The following RERE variants were observed in gnomAD, a reference collection of about 807,000 sequenced individuals.
RERE encodes the protein arginine-glutamic acid dipeptide repeats protein.
In RERE, 40 loss-of-function variants were observed where a neutral mutation model predicts 146.1. That is an observed-to-expected ratio of 0.27 (90% CI 0.21 to 0.36). The LOEUF (loss-of-function observed/expected upper bound fraction) is 0.36, where lower values mean the gene tolerates loss of function less well. Among genes scored for constraint, RERE ranks in the 10% least tolerant of loss-of-function variants. The pLI, the probability that RERE is intolerant of heterozygous loss-of-function variation, is 1.00. For missense variants in RERE, 1,933 were observed against 2,138.7 expected (o/e 0.90, Z 1.90); for synonymous variants, 1,003 against 866.0 (o/e 1.16, Z -2.78).
intron 11 of RERE, among the ~76,000 whole-genome samples, chr1:8,435,359 C>T (rs949993330): frequency 6.6e-6 from 1 of 152,232 alleles, no homozygotes; most frequent in Non-Finnish European, 1.5e-5. Context: ...AGGTGCTTGA[C>T]AACCACTGGT....
At chr1:8,805,649 CAA>C (rs1229860670) in intron 1 of RERE, among the ~76,000 whole-genome samples, 4 of 60,566 alleles carry the variant, frequency 6.6e-5, no homozygotes, top group Admixed American at 2.0e-4. Flanking sequence ...GAATCCGTCT[CAA>C]AAAAAAAAAA....
chr1:8,502,813 T>C (rs927836985), intron 8 of RERE, among the ~76,000 whole-genome samples: 1 of 147,916 alleles, frequency 6.8e-6, no homozygotes, highest in Non-Finnish European at 1.5e-5. Flanking sequence ...CTCTGAAACA[T>C]GTGCTGTGTC....
intron 8 of RERE, among the ~76,000 whole-genome samples, chr1:8,503,280 C>T (rs1238606780): frequency 6.6e-6 from 1 of 152,112 alleles, no homozygotes; most frequent in Non-Finnish European, 1.5e-5. Flanking sequence ...TTGCTAGTGT[C>T]AACACAAACT....
At position 8,354,636 on chromosome 1, in the gene RERE, T is replaced by A. The variant is rs551430946; in HGVS notation, c.*451A>T. On this transcript the variant is annotated 3_prime_UTR_variant, in exon 23 of 23. Coordinates refer to ENST00000400908, the MANE Select transcript of RERE (RefSeq NM_001042681.2). ...TATTAAAATAAAAGATTTTTTTTTT[T>A]AAAAATTATAGCTCTTGGATTCCAA... 185 of 147,506 alleles carry A rather than the reference T, an allele frequency of 1.3e-3. No homozygotes were observed. The highest frequency in any genetic ancestry group is 4.0e-3 in the East Asian group (21 of 5,282). The allele number at this position is 147,506 out of a possible 1,614,324, so 9.1% of individuals were successfully genotyped here. A position where few individuals can be genotyped will look rare whatever the true frequency, so the allele number is the denominator to read the frequency against.
intron 4 of RERE, among the ~76,000 whole-genome samples, chr1:8,598,166 G>A (rs557552295): frequency 3.9e-5 from 6 of 152,124 alleles, no homozygotes; most frequent in Non-Finnish European, 7.3e-5. Flanking sequence ...AGATTTCCTC[G>A]CTGGAATTAT....
intron 1 of RERE, among the ~76,000 whole-genome samples, chr1:8,699,792 C>T (rs370661856): frequency 9.1e-4 from 139 of 152,232 alleles, no homozygotes; most frequent in African/African-American, 3.1e-3. Flanking sequence ...TGAAGATGGA[C>T]CAATTTCTCC....
intron 4 of RERE, among the ~76,000 whole-genome samples, chr1:8,598,036 G>A (rs1042666146): frequency 6.6e-6 from 1 of 152,168 alleles, no homozygotes; most frequent in African/African-American, 2.4e-5. Context: ...GCCTCATGGG[G>A]TTGGGGGAAG....
intron 1 of RERE, among the ~76,000 whole-genome samples, chr1:8,748,839 C>T (rs1640474743): frequency 6.6e-6 from 1 of 152,166 alleles, no homozygotes; most frequent in East Asian, 1.9e-4. Context: ...AACTGCCATT[C>T]CTAGAAGGCC....
chr1:8,520,846 G>A (rs1187609463), intron 7 of RERE, among the ~76,000 whole-genome samples: 1 of 150,004 alleles, frequency 6.7e-6, no homozygotes, highest in Non-Finnish European at 1.5e-5. Flanking sequence ...GACCCAAGAT[G>A]GTGCTAGCTT....
chr1:8,598,025 C>T (rs1385396603), intron 4 of RERE, among the ~76,000 whole-genome samples: 1 of 152,114 alleles, frequency 6.6e-6, no homozygotes, highest in Non-Finnish European at 1.5e-5. Context: ...ATCTCTTTCC[C>T]GCCTCATGGG....
At chr1:8,609,979 G>C (rs1646772577) in intron 4 of RERE, among the ~76,000 whole-genome samples, 2 of 152,000 alleles carry the variant, frequency 1.3e-5, no homozygotes, top group African/African-American at 4.8e-5. Flanking sequence ...ATGTTGTCCA[G>C]GCCAGTCTTG....
rs868454567 is a variant in RERE at position 8,805,014 on chromosome 1, T to G, written c.-145+12146A>C. Reference sequence around the variant, plus strand: ...TTGTTTTGTTTTGTTTTTGGTTTTTTTTTTTTTTTTTTTTGAGACAGAGTC... The same window carrying G: ...TTGTTTTGTTTTGTTTTTGGTTTTTGTTTTTTTTTTTTTTGAGACAGAGTC... On this transcript the variant is annotated intron_variant, in intron 1 of 22. Transcript: ENST00000400908. Among the ~76,000 whole-genome samples the G allele has an allele frequency of 3.0e-3, 423 of 139,868 alleles. 4 individuals are homozygous for G. The highest frequency in any genetic ancestry group is 6.6e-3 in the African/African-American group (245 of 36,866). 91.8% of individuals were successfully genotyped at this position (139,868 alleles called of 152,430 possible).
At chr1:8,528,139 A>G (rs2124358810) in intron 7 of RERE, among the ~76,000 whole-genome samples, 1 of 152,360 alleles carries the variant, frequency 6.6e-6, no homozygotes, top group Admixed American at 6.5e-5. Flanking sequence ...GGCCAAAATT[A>G]CATAACCTAG....
intron 1 of RERE, among the ~76,000 whole-genome samples, chr1:8,794,093 G>A (rs546119568): frequency 1.3e-5 from 2 of 148,280 alleles, no homozygotes; most frequent in South Asian, 2.1e-4. Flanking sequence ...TTTTTTTTGA[G>A]AGAGAAAAAA....
At chr1:8,812,757 A>G (rs1389852966) in intron 1 of RERE, among the ~76,000 whole-genome samples, 1 of 152,228 alleles carries the variant, frequency 6.6e-6, no homozygotes, top group Non-Finnish European at 1.5e-5. Context: ...GACACACAGT[A>G]CATCTTATAT....
At chr1:8,465,660 T>C (rs1644585705) in intron 11 of RERE, 1 of 542,058 alleles carries the variant, frequency 1.8e-6, no homozygotes, top group Non-Finnish European at 3.5e-6. Flanking sequence ...ATTAACTTTT[T>C]TTAGGAGTAA....
intron 8 of RERE, among the ~76,000 whole-genome samples, chr1:8,502,185 C>T (rs1401820066): frequency 1.5e-5 from 1 of 68,402 alleles, no homozygotes; most frequent in Non-Finnish European, 2.8e-5. Context: ...CCCACCCGGC[C>T]AGCCGCCCCG....
At chr1:8,491,640 GAACT>G (rs1425520802) in intron 10 of RERE, among the ~76,000 whole-genome samples, 1 of 151,954 alleles carries the variant, frequency 6.6e-6, no homozygotes. Context: ...AAACAAAAAA[GAACT>G]GACAGCTCAA....
rs961477462 is a variant in RERE, at chr1:8,423,463, C to T, written c.1204-656G>A. 1 of 862,564 alleles carries T rather than the reference C, an allele frequency of 1.2e-6. No homozygotes were observed. The highest frequency in any genetic ancestry group is 1.4e-6 in the Non-Finnish European group (1 of 717,584). The allele number at this position is 862,564 out of a possible 1,614,324, so 53.4% of individuals were successfully genotyped here. On this transcript the variant is annotated intron_variant, in intron 11 of 22. Transcript: ENST00000400908. This position sits in a 1 kb window ranked among gnomAD's most constrained non-coding sequence, Gnocchi z 5.4. ...CCCCCATCCATTTTCGCAGCAGACT[C>T]GTCCCTAACCCCAGCCCGGAGACTT...
Sources: gnomAD v4.1 joint callset for allele counts (sites outside exome capture counted in the v4.1 genomes callset) on GRCh38, gnomAD v4.1.1 for gene constraint, Gnocchi (gnomAD v3.1) non-coding constraint, MANE v1.5 for transcripts, NCBI Gene and HGNC (gene_info 2026-07-23, HGNC 2026-07-21) for gene names.